GLDC: variants seen among roughly 807,000 people sequenced by gnomAD.
The protein encoded by GLDC is glycine dehydrogenase (decarboxylating), mitochondrial.
GLDC carries 104 observed loss-of-function variants against 121.3 expected under a neutral mutation model. The ratio of observed to expected loss-of-function variants is 0.86; its 90% CI spans 0.73 to 1.01. The LOEUF (loss-of-function observed/expected upper bound fraction) is 1.01, where lower values mean the gene tolerates loss of function less well. Ranked by LOEUF, GLDC falls within the 50% of genes least tolerant of loss-of-function variation. The probability of loss-of-function intolerance (pLI) is 0.00; values close to 1 mark genes in which losing one functional copy is unlikely to be tolerated. For synonymous variants in GLDC, 546 were observed against 480.6 expected (o/e 1.14, Z -1.78); for missense variants, 1,429 against 1,306.6 (o/e 1.09, Z -1.44).
chr9:6,604,652 C>T lies in GLDC; in HGVS notation c.994G>A (p.Ala332Thr). ...VPLGYGGPHAAFFAVRESLVR... is the reference protein window; with the variant it reads ...VPLGYGGPHATFFAVRESLVR... ...AAGCTTTCTCGGACAGCAAAAAATGCTGCATGGGGTCCCCCATAGCCCAGT... is the reference window on the plus strand; with the variant it reads ...AAGCTTTCTCGGACAGCAAAAAATGTTGCATGGGGTCCCCCATAGCCCAGT... The change falls in exon 7 of 25, where the codon GCA (alanine) becomes ACA (threonine). Residue 332 changes from alanine to threonine, a missense_variant. Transcript: ENST00000321612. 6.2e-7 allele frequency: 1 copy of T among 1,613,960 alleles called. No individual in the cohort carries two copies. The highest frequency in any genetic ancestry group is 8.5e-7 in the Non-Finnish European group (1 of 1,180,008).
In GLDC at chr9:6,595,138, T is replaced by C; in HGVS notation, c.1156-19A>G. The C allele has an allele frequency of 6.6e-7, 1 of 1,508,258 alleles. No individual in the cohort carries two copies. The highest frequency in any genetic ancestry group is 9.2e-7 in the Non-Finnish European group (1 of 1,083,646). 93.4% of individuals were successfully genotyped at this position (1,508,258 alleles called of 1,614,324 possible). A position where few individuals can be genotyped will look rare whatever the true frequency, so the allele number is the denominator to read the frequency against. On this transcript the variant is annotated intron_variant, in intron 8 of 24. Coordinates refer to ENST00000321612, the MANE Select transcript of GLDC (RefSeq NM_000170.3). ...AGAGGGCCTAAAAGATAAGAACATT[T>C]AAAGAATCACGTGATGGAGGACAAT...
At position 6,606,596 on chromosome 9, in the gene GLDC, C is replaced by T. The variant is rs1818738415; in HGVS notation, c.709G>A (p.Ala237Thr). ...AACACGAATCAAATTAATTACTTGG[C>T]TCGAGTCTGGACAACAGCTATTGTC... ...PQTIAVVQTR[A>T]KYTGVLTELK... The change falls in exon 5 of 25, where the codon GCC becomes ACC. Residue 237 changes from alanine to threonine, a missense_variant. Physicochemically the swap from Ala to Thr is moderately conservative, Grantham distance 58 (BLOSUM62 0). Coordinates refer to ENST00000321612, the MANE Select transcript of GLDC (RefSeq NM_000170.3). 1 of 1,574,174 alleles carries T rather than the reference C, an allele frequency of 6.4e-7. No individual in the cohort carries two copies. The highest frequency in any genetic ancestry group is 8.7e-7 in the Non-Finnish European group (1 of 1,143,824).
intron 15 of GLDC, among the ~76,000 whole-genome samples, chr9:6,582,198 G>A (rs1335333765): frequency 2.6e-5 from 3 of 113,702 alleles, no homozygotes; most frequent in Non-Finnish European, 5.0e-5. Flanking sequence ...TTGGGCGACA[G>A]AGCAAGACTT....
intron 3 of GLDC, among the ~76,000 whole-genome samples, chr9:6,611,343 G>A (rs561074261): frequency 1.5e-3 from 225 of 152,284 alleles, no homozygotes; most frequent in African/African-American, 5.2e-3. Flanking sequence ...GGATCACGAG[G>A]TCAGGAGATC....
intron 17 of GLDC, 119 bp downstream of exon 17, chr9:6,558,440 G>C (rs1587926708): frequency 2.5e-6 from 3 of 1,181,070 alleles, no homozygotes; most frequent in Non-Finnish European, 3.8e-6. Flanking sequence ...GTCAAAGGAA[G>C]AACTGCAGAC....
intron 4 of GLDC, among the ~76,000 whole-genome samples, chr9:6,608,406 A>C (rs1238933871): frequency 6.7e-6 from 1 of 149,512 alleles, no homozygotes; most frequent in Non-Finnish European, 1.5e-5. Flanking sequence ...TGAGTGACAG[A>C]GTGAGACTCT....
chr9:6,607,868 A>G (rs1203978403), intron 4 of GLDC, among the ~76,000 whole-genome samples: 1 of 152,002 alleles, frequency 6.6e-6, no homozygotes, highest in African/African-American at 2.4e-5. Flanking sequence ...CACGCCTGTA[A>G]TCCTTATACT....
intron 21 of GLDC, chr9:6,540,977 C>G (rs1257741156): frequency 6.6e-6 from 1 of 152,110 alleles, no homozygotes; most frequent in African/African-American, 2.4e-5. Flanking sequence ...GGCAACATGG[C>G]CAAACCCTAG....
At chr9:6,562,558 A>G (rs933123561) in intron 16 of GLDC, among the ~76,000 whole-genome samples, 4 of 152,182 alleles carry the variant, frequency 2.6e-5, no homozygotes, top group African/African-American at 9.6e-5. Flanking sequence ...GTTGGCTTTA[A>G]TTAAAAAAAA....
chr9:6,558,354 C>T (rs905487572), intron 17 of GLDC: 8 of 692,558 alleles, frequency 1.2e-5, no homozygotes, highest in Admixed American at 6.4e-5. Context: ...ATAATTCATT[C>T]AGTTTTTTAC....
chr9:6,624,659 G>A (rs1054613907), intron 2 of GLDC, among the ~76,000 whole-genome samples: 3 of 152,122 alleles, frequency 2.0e-5, no homozygotes, highest in African/African-American at 7.2e-5. Flanking sequence ...TAGGAGACAC[G>A]ATAATACTCT....
intron 22 of GLDC, among the ~76,000 whole-genome samples, chr9:6,536,605 G>A (rs1043555753): frequency 2.6e-5 from 4 of 152,182 alleles, no homozygotes; most frequent in Non-Finnish European, 5.9e-5. Context: ...ACTTATATGT[G>A]TATTTTATGA....
intron 8 of GLDC, among the ~76,000 whole-genome samples, chr9:6,599,890 C>T (rs555300525): frequency 6.6e-6 from 1 of 152,212 alleles, no homozygotes; most frequent in South Asian, 2.1e-4. Flanking sequence ...AAAGGACCAA[C>T]TGAGGAAATG....
intron 21 of GLDC, among the ~76,000 whole-genome samples, chr9:6,545,181 T>A (rs1817362251): frequency 6.6e-6 from 1 of 152,178 alleles, no homozygotes; most frequent in Non-Finnish European, 1.5e-5. Flanking sequence ...CAGTCATGCA[T>A]CACTTAATGA....
chr9:6,574,810 C>T (rs948172352), intron 15 of GLDC, among the ~76,000 whole-genome samples: 4 of 152,124 alleles, frequency 2.6e-5, no homozygotes, highest in East Asian at 1.9e-4. Flanking sequence ...GCACTAGGCT[C>T]GGTGGAAAAC....
Position 6,591,482 on chromosome 9 carries a change from T to C in GLDC, c.1482+661A>G, listed in dbSNP as rs142844761. Among the ~76,000 whole-genome samples the C allele has an allele frequency of 2.2e-3, 329 of 152,364 alleles. 1 individual carries two copies. The highest frequency in any genetic ancestry group is 7.7e-3 in the African/African-American group (321 of 41,584). ...GGCCTAGCATAGCACCTGACACATATTGGGTCCTCAATAAATATGTATTAA... is the reference window on the plus strand; with the variant it reads ...GGCCTAGCATAGCACCTGACACATACTGGGTCCTCAATAAATATGTATTAA... On this transcript the variant is annotated intron_variant, in intron 11 of 24. Coordinates refer to ENST00000321612, the MANE Select transcript of GLDC (RefSeq NM_000170.3).
At chr9:6,583,943 G>T (rs1003721455) in intron 15 of GLDC, among the ~76,000 whole-genome samples, 4 of 152,224 alleles carry the variant, frequency 2.6e-5, no homozygotes, top group Admixed American at 6.5e-5. Flanking sequence ...CTCTCAGACG[G>T]ATAATGGTGA....
rs142804687 is a variant in GLDC at position 6,545,629 on chromosome 9, C to T, written c.2569+5174G>A. ...ACTTTTTTCTTCAATAATAAATTAACCTTAGCTTACTGTAACTTTTTTTAT... is the reference window on the plus strand; with the variant it reads ...ACTTTTTTCTTCAATAATAAATTAATCTTAGCTTACTGTAACTTTTTTTAT... On this transcript the variant is annotated intron_variant, in intron 21 of 24. Transcript: ENST00000321612. Among the ~76,000 whole-genome samples the T allele has an allele frequency of 2.2e-3, 339 of 152,134 alleles. 1 individual carries two copies. Among genetic ancestry groups the T allele is most frequent in the Non-Finnish European group, 9.1e-4 (62 of 67,972 alleles).
chr9:6,590,023 C>T (rs1297201618), intron 11 of GLDC, among the ~76,000 whole-genome samples: 1 of 151,554 alleles, frequency 6.6e-6, no homozygotes, highest in Non-Finnish European at 1.5e-5. Context: ...CCACTGCACG[C>T]CACCCTGGGC....
Sources: allele counts gnomAD v4.1 joint callset (sites outside exome capture counted in the v4.1 genomes callset), GRCh38; gene constraint gnomAD v4.1.1; transcripts MANE v1.5; gene names NCBI Gene and HGNC (gene_info 2026-07-23, HGNC 2026-07-21).